The following GATAD2A variants were observed in gnomAD, a reference collection of about 807,000 sequenced individuals.
The protein encoded by GATAD2A is transcriptional repressor p66-alpha.
GATAD2A carries 12 observed loss-of-function variants against 68.5 expected under a neutral mutation model. The observed-to-expected ratio is 0.18, with a 90% confidence interval of 0.11 to 0.28. The LOEUF is 0.28. GATAD2A is among the 10% of genes least tolerant of loss of function. The pLI, the probability that GATAD2A is intolerant of heterozygous loss-of-function variation, is 1.00. For missense variants in GATAD2A, 755 were observed against 868.5 expected, an observed-to-expected ratio of 0.87 and a Z score of 1.64; for synonymous variants, 410 against 375.3, an observed-to-expected ratio of 1.09 and a Z score of -1.07.
intron 1 of GATAD2A, among the ~76,000 whole-genome samples, chr19:19,431,093 A>G (rs982003263): frequency 6.6e-6 from 1 of 151,494 alleles, no homozygotes; most frequent in Non-Finnish European, 1.5e-5. Context: ...ATGAGCTGGT[A>G]ATTGTGCACT....
At chr19:19,449,403 C>T (rs958623365) in intron 1 of GATAD2A, among the ~76,000 whole-genome samples, 5 of 152,186 alleles carry the variant, frequency 3.3e-5, no homozygotes, top group East Asian at 1.9e-4. Flanking sequence ...AGGGTCCAGG[C>T]GGTTTCAAAC....
intron 2 of GATAD2A, among the ~76,000 whole-genome samples, chr19:19,488,296 A>G (rs1285508740): frequency 6.6e-6 from 1 of 152,248 alleles, no homozygotes; most frequent in East Asian, 1.9e-4. Context: ...CCCTAAGGAC[A>G]GAAATTCCTT....
chr19:19,505,365 G>A lies in GATAD2A; in HGVS notation c.1796G>A (p.Ser599Asn), dbSNP rs2060820474. The change falls in exon 12 of 12, where the codon AGC becomes AAC. Residue 599 changes from serine (S) to asparagine (N), a missense_variant. Physicochemically the swap from Ser to Asn is conservative, Grantham distance 46. Coordinates refer to ENST00000683918, the MANE Select transcript of GATAD2A (RefSeq NM_001384528.1). ...LSTGGTLAFV[S>N]PSLAVHKSSS... Reference sequence around the variant, plus strand: ...GCAGGCGGGACCCTTGCGTTTGTCAGCCCAAGCCTGGCGGTGCACAAGAGC... The same window carrying A: ...GCAGGCGGGACCCTTGCGTTTGTCAACCCAAGCCTGGCGGTGCACAAGAGC... The A allele has an allele frequency of 6.2e-7, 1 of 1,613,310 alleles. No individual in the cohort carries two copies. The highest frequency in any genetic ancestry group is 8.5e-7 in the Non-Finnish European group (1 of 1,179,758).
At chr19:19,415,618 ATTTTT>A (rs71170682) in intron 1 of GATAD2A, among the ~76,000 whole-genome samples, 2 of 118,056 alleles carry the variant, frequency 1.7e-5, no homozygotes, top group African/African-American at 6.8e-5. Flanking sequence ...CCGGGCTAAT[ATTTTT>A]TTTTTTTTTT....
At chr19:19,418,169 T>C (rs1185545601) in intron 1 of GATAD2A, among the ~76,000 whole-genome samples, 1 of 152,138 alleles carries the variant, frequency 6.6e-6, no homozygotes, top group Non-Finnish European at 1.5e-5. Context: ...GGGCAGTCAT[T>C]GTCAGCTGTG....
At position 19,492,397 on chromosome 19, in the gene GATAD2A, A is replaced by T. The variant is rs1247675444; in HGVS notation, c.361A>T (p.Thr121Ser). 1 of 1,613,822 alleles carries T rather than the reference A, an allele frequency of 6.2e-7. No individual in the cohort carries two copies. Among genetic ancestry groups the T allele is most frequent in the African/African-American group, 1.3e-5 (1 of 75,054 alleles). The stretch of plus-strand genomic sequence containing the variant: ...CTCGAGCCCGAGAGTGAATGGGCTG[A>T]CCACGGTGGCCTTGAAGGAGACTAG... Reference protein sequence around the residue: ...QPSSPRVNGLTTVALKETSTE... With the variant: ...QPSSPRVNGLSTVALKETSTE... Residue 121 changes from threonine to serine, a missense_variant, in exon 3 of 12, where the codon ACC becomes TCC. Coordinates refer to ENST00000683918, the MANE Select transcript of GATAD2A (RefSeq NM_001384528.1).
intron 1 of GATAD2A, chr19:19,436,137 C>G: frequency 2.9e-6 from 4 of 1,363,844 alleles, no homozygotes; most frequent in East Asian, 4.6e-5. Context: ...TTAGGTTGGT[C>G]AGCACATTGT....
At chr19:19,488,104 T>C (rs1190576619) in intron 2 of GATAD2A, among the ~76,000 whole-genome samples, 4 of 152,198 alleles carry the variant, frequency 2.6e-5, no homozygotes, top group South Asian at 4.1e-4. Flanking sequence ...ATACAGACTT[T>C]GATCAAGCAG....
chr19:19,488,239 C>T (rs2059570747), intron 2 of GATAD2A, among the ~76,000 whole-genome samples: 1 of 152,234 alleles, frequency 6.6e-6, no homozygotes. Context: ...CAGCCTTGCC[C>T]CCACCTGCCG....
intron 1 of GATAD2A, among the ~76,000 whole-genome samples, chr19:19,448,059 C>T (rs926861699): frequency 6.6e-5 from 10 of 152,234 alleles, no homozygotes; most frequent in Non-Finnish European, 1.3e-4. Flanking sequence ...TAGCAGATGG[C>T]ATGGAAATGG....
chr19:19,482,515 G>A (rs956313716), intron 2 of GATAD2A, among the ~76,000 whole-genome samples: 1 of 152,208 alleles, frequency 6.6e-6, no homozygotes, highest in Non-Finnish European at 1.5e-5. Context: ...GGCACAGTGA[G>A]GGGTCCACAC....
At chr19:19,416,095 A>G (rs1400436081) in intron 1 of GATAD2A, among the ~76,000 whole-genome samples, 2 of 152,140 alleles carry the variant, frequency 1.3e-5, no homozygotes, top group African/African-American at 4.8e-5. Flanking sequence ...AAGCACTGGG[A>G]TTACAGGTCC....
intron 2 of GATAD2A, among the ~76,000 whole-genome samples, chr19:19,482,219 C>T (rs557431813): frequency 6.6e-6 from 1 of 152,146 alleles, no homozygotes; most frequent in Non-Finnish European, 1.5e-5. Context: ...GCCTGACCAA[C>T]GTGGTGAAAC....
rs563937192 is a variant in GATAD2A at position 19,410,560 on chromosome 19, A to G, written c.-7+4541A>G. The stretch of plus-strand genomic sequence containing the variant: ...CTGCGTGGCCTGCCTTGCCGGTTAG[A>G]TATTCTGGTTTGAACCTTGAAACGT... On this transcript the variant is annotated intron_variant, in intron 1 of 11. Transcript: ENST00000683918. 4.6e-5 allele frequency among the ~76,000 whole-genome samples: 7 copies of G among 152,302 alleles called. No individual in the cohort carries two copies. In the East Asian group the frequency reaches 1.3e-3, roughly 29 times the overall value.
At chr19:19,446,244 A>G (rs551706403) in intron 1 of GATAD2A, among the ~76,000 whole-genome samples, 3 of 152,036 alleles carry the variant, frequency 2.0e-5, no homozygotes, top group Non-Finnish European at 2.9e-5. Context: ...GCGGTTTCTC[A>G]TGGTGGTTTT....
rs991643493 is a variant in GATAD2A at position 19,405,892 on chromosome 19, C to T, written c.-134C>T. On this transcript the variant is annotated 5_prime_UTR_variant, in exon 1 of 12. Coordinates refer to ENST00000683918, the MANE Select transcript of GATAD2A (RefSeq NM_001384528.1). ...CGAGCGCCGCGGGCCCGGGCGGCCC[C>T]ACAGGCGGAACGAGCGCGCGCGGCC... The T allele has an allele frequency of 2.1e-5, 3 of 145,966 alleles. No individual in the cohort carries two copies. The highest frequency in any genetic ancestry group is 7.4e-5 in the African/African-American group (3 of 40,664). The allele number at this position is 145,966 out of a possible 1,614,324, so 9.0% of individuals were successfully genotyped here.
Position 19,465,580 on chromosome 19 carries a change from G to A in GATAD2A, c.235G>A (p.Gly79Ser). The A allele has an allele frequency of 6.2e-7, 1 of 1,613,402 alleles. No individual in the cohort carries two copies. ...MAMGRGEGLV[G>S]DGPVDMRTSH... ...CATGGGCAGAGGCGAAGGGCTGGTG[G>A]GCGATGGGCCCGTGGACATGCGCAC... Residue 79 changes from glycine (G) to serine (S), a missense_variant, in exon 2 of 12, where the codon GGC becomes AGC. By Grantham distance (56) the Gly-to-Ser change is moderately conservative (BLOSUM62 0). Coordinates refer to ENST00000683918, the MANE Select transcript of GATAD2A (RefSeq NM_001384528.1).
rs202108085 is a variant in GATAD2A at position 19,505,346 on chromosome 19, G to A, written c.1777G>A (p.Gly593Arg). 1.1e-5 allele frequency: 18 copies of A among 1,613,256 alleles called. No homozygotes were observed. The highest frequency in any genetic ancestry group is 1.7e-5 in the Admixed American group (1 of 59,968). ...CTGGTCGCTCTGTTCTGTTGCAGGC[G>A]GGACCCTTGCGTTTGTCAGCCCAAG... is the stretch of plus-strand genomic sequence containing the variant. ...NWKKTPLSTGGTLAFVSPSLA... is the reference protein window; with the variant it reads ...NWKKTPLSTGRTLAFVSPSLA... Residue 593 changes from glycine to arginine, a missense_variant and splice_region_variant, in exon 12 of 12, where the codon GGG becomes AGG. Coordinates refer to ENST00000683918, the MANE Select transcript of GATAD2A (RefSeq NM_001384528.1).
rs2060874336 is a variant in GATAD2A at position 19,506,520 on chromosome 19, C to T, written c.*1046C>T. The T allele has an allele frequency of 1.1e-5, 2 of 180,482 alleles. No individual in the cohort carries two copies. The highest frequency in any genetic ancestry group is 2.3e-3 in the Middle Eastern group (1 of 442). 11.2% of individuals were successfully genotyped at this position (180,482 alleles called of 1,614,324 possible). A position where few individuals can be genotyped will look rare whatever the true frequency, so the allele number is the denominator to read the frequency against. On this transcript the variant is annotated 3_prime_UTR_variant, in exon 12 of 12. Transcript: ENST00000683918. ...CAGGAGGTGCCGTCCAGGTGTGCGG[C>T]GAGCCGCTGCGCACAGATGTCAGGA...
Sources: gnomAD v4.1 joint callset for allele counts (sites outside exome capture counted in the v4.1 genomes callset) on GRCh38, gnomAD v4.1.1 for gene constraint, MANE v1.5 for transcripts, NCBI Gene and HGNC (gene_info 2026-07-23, HGNC 2026-07-21) for gene names.